Variants in ANXA8 observed in about 807,000 individuals in gnomAD.
ANXA8 encodes VAC-beta.
In ANXA8, 9 loss-of-function variants were observed where a neutral mutation model predicts 26.8. The ratio of observed to expected loss-of-function variants is 0.34; its 90% CI spans 0.20 to 0.59. The LOEUF is 0.59. Among genes scored for constraint, ANXA8 ranks in the 20% least tolerant of loss-of-function variants. ANXA8 has a pLI of 0.84. For synonymous variants in ANXA8, 39 were observed against 94.8 expected (o/e 0.41, Z 3.42); for missense variants, 83 against 238.5 (o/e 0.35, Z 4.29).
chr10:47,471,407 A>ACAAT, intron 10 of ANXA8, 23 bp from the exon 11 acceptor site: 1 of 32,242 alleles, frequency 3.1e-5, no homozygotes, highest in Middle Eastern at 8.9e-3. Flanking sequence ...GCAGCCATCA[A>ACAAT]CAATCCTGCC....
chr10:47,624,019 G>A, the ANXA8 span, among the ~76,000 whole-genome samples: 107 of 99,660 alleles, frequency 1.1e-3, 7 homozygotes, highest in East Asian at 0.014. Context: ...GGCGGATCGC[G>A]AGGTCAGGAG....
the ANXA8 span, among the ~76,000 whole-genome samples, chr10:47,749,962 C>A: frequency 6.6e-6 from 1 of 151,918 alleles, no homozygotes; most frequent in South Asian, 2.1e-4. Flanking sequence ...TAGAGAAAGC[C>A]ATTTCACATA....
At chr10:47,685,400 T>C in the ANXA8 span, among the ~76,000 whole-genome samples, 6 of 151,378 alleles carry the variant, frequency 4.0e-5, no homozygotes, top group African/African-American at 1.5e-4. Flanking sequence ...TTGTGTTTTG[T>C]GGATCTCACA....
the ANXA8 span, among the ~76,000 whole-genome samples, chr10:47,989,724 G>A: frequency 2.5e-4 from 24 of 94,526 alleles, 5 homozygotes; most frequent in East Asian, 4.7e-3. Context: ...GCACAGGGGA[G>A]CTGCCACGCC....
chr10:47,671,661 C>T, the ANXA8 span, among the ~76,000 whole-genome samples: 1 of 151,592 alleles, frequency 6.6e-6, no homozygotes, highest in East Asian at 1.9e-4. Flanking sequence ...TCCCTAAAAC[C>T]TTAGATGCTG....
the ANXA8 span, among the ~76,000 whole-genome samples, chr10:47,733,201 CTTTCTTTCTTTCTTTCTT>C: frequency 1.2e-4 from 11 of 89,364 alleles, no homozygotes; most frequent in Admixed American, 3.9e-4. Flanking sequence ...TTCTTTCTTT[CTTTCTTTCTTTCTTTCTT>C]TCTCTTTCTT....
At chr10:47,559,122 A>C in the ANXA8 span, among the ~76,000 whole-genome samples, 23,936 of 138,400 alleles carry the variant, frequency 0.17, 2,201 homozygotes, top group East Asian at 0.5. Flanking sequence ...AAGTAGAGTA[A>C]CTTCCTTTTT....
chr10:47,591,044 CA>C, the ANXA8 span, among the ~76,000 whole-genome samples: 1 of 142,940 alleles, frequency 7.0e-6, no homozygotes, highest in Non-Finnish European at 1.5e-5. Context: ...CTATTTAGGG[CA>C]ATCAGAGTCA....
chr10:47,748,118 T>C, the ANXA8 span, among the ~76,000 whole-genome samples: 1 of 151,918 alleles, frequency 6.6e-6, no homozygotes, highest in Non-Finnish European at 1.5e-5. Flanking sequence ...TAAATAAATA[T>C]AGGCTGAGAA....
chr10:47,506,196 C>G, the ANXA8 span, among the ~76,000 whole-genome samples: 1 of 126,542 alleles, frequency 7.9e-6, no homozygotes, highest in African/African-American at 3.0e-5. Context: ...AAAATGCCAC[C>G]GTAACTAATT....
At chr10:47,585,208 G>T in the ANXA8 span, among the ~76,000 whole-genome samples, 1 of 111,434 alleles carries the variant, frequency 9.0e-6, no homozygotes, top group African/African-American at 3.8e-5. Flanking sequence ...AGGTTGCAGT[G>T]AACCGAGATC....
the ANXA8 span, among the ~76,000 whole-genome samples, chr10:47,618,140 TA>T: frequency 9.1e-6 from 1 of 109,842 alleles, no homozygotes; most frequent in Admixed American, 9.6e-5. Context: ...ATGCTGTGCT[TA>T]ATGAATGGAG....
the ANXA8 span, among the ~76,000 whole-genome samples, chr10:47,748,659 C>G: frequency 2.0e-5 from 3 of 152,284 alleles, no homozygotes; most frequent in Middle Eastern, 6.8e-3. Context: ...TCCCTCCTGT[C>G]GTTTTCTTTT....
chr10:47,644,986 G>A, the ANXA8 span, among the ~76,000 whole-genome samples: 1 of 151,904 alleles, frequency 6.6e-6, no homozygotes, highest in Non-Finnish European at 1.5e-5. Flanking sequence ...TAAGGTACAT[G>A]TCAAATACAT....
At chr10:47,952,383 A>G in the ANXA8 span, among the ~76,000 whole-genome samples, 1 of 150,424 alleles carries the variant, frequency 6.6e-6, no homozygotes, top group African/African-American at 2.5e-5. Context: ...GGAATTTACA[A>G]AAAGTTACTA....
chr10:47,708,365 A>AAATG, the ANXA8 span, among the ~76,000 whole-genome samples: 1 of 139,994 alleles, frequency 7.1e-6, no homozygotes, highest in Non-Finnish European at 1.6e-5. Flanking sequence ...ATAAATAAAT[A>AAATG]AATTGCAGCA....
the ANXA8 span, among the ~76,000 whole-genome samples, chr10:47,920,506 C>T: frequency 3.5e-5 from 3 of 85,368 alleles, no homozygotes; most frequent in Non-Finnish European, 5.0e-5. Flanking sequence ...AGATGCACAG[C>T]AAGTGACATT....
the ANXA8 span, among the ~76,000 whole-genome samples, chr10:47,747,272 G>C: frequency 6.6e-6 from 1 of 152,062 alleles, no homozygotes; most frequent in African/African-American, 2.4e-5. Context: ...GGAACTGAAG[G>C]GGCCAAGATA....
At chr10:47,690,964 G>A in the ANXA8 span, 1 of 1,611,024 alleles carries the variant, frequency 6.2e-7, no homozygotes, top group Non-Finnish European at 8.5e-7. Flanking sequence ...TCGGAGAAAT[G>A]TGTCTGAATT....
Sources: gnomAD v4.1 joint callset for allele counts (sites outside exome capture counted in the v4.1 genomes callset) on GRCh38, gnomAD v4.1.1 for gene constraint, MANE v1.5 for transcripts, NCBI Gene and HGNC (gene_info 2026-07-23, HGNC 2026-07-21) for gene names.